Variants in CLCN3 observed in about 807,000 individuals in gnomAD.
CLCN3 encodes H(+)/Cl(-) exchange transporter 3.
CLCN3 carries 16 observed loss-of-function variants against 83.4 expected under a neutral mutation model. That is an observed-to-expected ratio of 0.19 (90% CI 0.13 to 0.29). The LOEUF is 0.29. Among genes scored for constraint, CLCN3 ranks in the 10% least tolerant of loss-of-function variants. CLCN3 has a pLI of 1.00. For synonymous variants in CLCN3, 322 were observed against 346.2 expected, an observed-to-expected ratio of 0.93 and a Z score of 0.78; for missense variants, 544 against 1,006.0, an observed-to-expected ratio of 0.54 and a Z score of 6.21.
At chr4:169,716,558 A>G (rs951420589) in intron 12 of CLCN3, among the ~76,000 whole-genome samples, 6 of 152,224 alleles carry the variant, frequency 3.9e-5, no homozygotes, top group African/African-American at 1.4e-4. Context: ...AAGAACATCT[A>G]TTGAATGAGT....
chr4:169,675,283 A>C (rs1368214606), intron 2 of CLCN3, among the ~76,000 whole-genome samples: 1 of 152,102 alleles, frequency 6.6e-6, no homozygotes, highest in East Asian at 1.9e-4. Context: ...CCCTTATCCC[A>C]CCCCAAGTTG....
intron 7 of CLCN3, among the ~76,000 whole-genome samples, chr4:169,694,481 T>C (rs187511444): frequency 2.6e-5 from 4 of 152,324 alleles, no homozygotes; most frequent in Non-Finnish European, 5.9e-5. Context: ...AATGTAACAA[T>C]TGACCATTTG....
intron 2 of CLCN3, among the ~76,000 whole-genome samples, chr4:169,672,306 A>T (rs1731498867): frequency 6.6e-6 from 1 of 151,826 alleles, no homozygotes; most frequent in Non-Finnish European, 1.5e-5. Flanking sequence ...CACCCAGATA[A>T]TTTTTGTATT....
At chr4:169,650,743 C>G (rs2150212156) in intron 2 of CLCN3, among the ~76,000 whole-genome samples, 1 of 152,272 alleles carries the variant, frequency 6.6e-6, no homozygotes, top group Admixed American at 6.5e-5. Flanking sequence ...GGGTCATGTT[C>G]TTAATACATT....
In CLCN3 at chr4:169,669,843, A is replaced by G. The variant is rs141692543; in HGVS notation, c.161-10207A>G. On this transcript the variant is annotated intron_variant, in intron 2 of 12. Transcript: ENST00000513761. Reference sequence around the variant, plus strand: ...AAAGCTTTTTGAAACCCAGAAACCCATCTTTTGAATTCAAAAGTTTTGACT... The same window carrying G: ...AAAGCTTTTTGAAACCCAGAAACCCGTCTTTTGAATTCAAAAGTTTTGACT... Among the ~76,000 whole-genome samples, 22 of 152,260 alleles carry G rather than the reference A, an allele frequency of 1.4e-4. No homozygotes were observed. In the East Asian group the frequency reaches 4.1e-3, roughly 28 times the overall value.
chr4:169,678,024 G>A (rs1731748328), intron 2 of CLCN3, among the ~76,000 whole-genome samples: 1 of 152,180 alleles, frequency 6.6e-6, no homozygotes, highest in Non-Finnish European at 1.5e-5. Flanking sequence ...CTGATGACAA[G>A]GCTGATTGAG....
intron 1 of CLCN3, among the ~76,000 whole-genome samples, chr4:169,633,703 A>G (rs1003293935): frequency 6.6e-6 from 1 of 152,236 alleles, no homozygotes; most frequent in Admixed American, 6.5e-5. Context: ...AAGTGGTGAG[A>G]TTCATTTCAA....
chr4:169,723,504 A>C lies in CLCN3; in HGVS notation c.*3507A>C, dbSNP rs749712738. On this transcript the variant is annotated 3_prime_UTR_variant, in exon 13 of 13. Transcript: ENST00000513761. ...GTGATTTTTTTTTTTTTCGCAAGAAAAATTACGCTATTTGCATGAAAAGAG... is the reference window on the plus strand; with the variant it reads ...GTGATTTTTTTTTTTTTCGCAAGAACAATTACGCTATTTGCATGAAAAGAG... The C allele has an allele frequency of 1.3e-5, 2 of 152,166 alleles. No individual in the cohort carries two copies. The highest frequency in any genetic ancestry group is 2.9e-5 in the Non-Finnish European group (2 of 68,026). The allele number at this position is 152,166 out of a possible 1,614,324, so 9.4% of individuals were successfully genotyped here. A position where few individuals can be genotyped will look rare whatever the true frequency, so the allele number is the denominator to read the frequency against.
chr4:169,676,228 T>C (rs1316979729), intron 2 of CLCN3, among the ~76,000 whole-genome samples: 2 of 152,242 alleles, frequency 1.3e-5, no homozygotes, highest in Non-Finnish European at 2.9e-5. Context: ...ATCAACCTTA[T>C]TCTTTTTAAC....
At chr4:169,670,464 C>T (rs58625450) in intron 2 of CLCN3, among the ~76,000 whole-genome samples, 11,092 of 152,062 alleles carry the variant, frequency 0.073, 1,305 homozygotes, top group African/African-American at 0.25. Context: ...TGTTCTGTTC[C>T]GTTGGTCTGT....
At chr4:169,680,328 A>C in intron 3 of CLCN3, 121 bp downstream of exon 3, 1 of 685,628 alleles carries the variant, frequency 1.5e-6, no homozygotes, top group South Asian at 2.3e-5. Flanking sequence ...AAATGTCTAC[A>C]TTTCATATGT....
At chr4:169,622,988 T>A (rs561176202) in intron 1 of CLCN3, among the ~76,000 whole-genome samples, 10 of 150,736 alleles carry the variant, frequency 6.6e-5, no homozygotes, top group African/African-American at 2.4e-4. Context: ...ACATAAACAT[T>A]GTAGCTGTGA....
At chr4:169,717,893 A>C in intron 12 of CLCN3, 1 of 1,486,018 alleles carries the variant, frequency 6.7e-7, no homozygotes, top group South Asian at 1.1e-5. Context: ...AGATCTCCTC[A>C]TTAGACACCT....
At chr4:169,627,143 A>T (rs1382613568) in intron 1 of CLCN3, among the ~76,000 whole-genome samples, 1 of 151,916 alleles carries the variant, frequency 6.6e-6, no homozygotes, top group Non-Finnish European at 1.5e-5. Context: ...GTGACACATG[A>T]ACCCCTCCCC....
intron 2 of CLCN3, among the ~76,000 whole-genome samples, chr4:169,674,863 A>C (rs1731616136): frequency 6.6e-6 from 1 of 151,560 alleles, no homozygotes; most frequent in Non-Finnish European, 1.5e-5. Context: ...CAGTCCTTCC[A>C]CTTCAGCCTC....
chr4:169,667,584 A>G (rs1397248255), intron 2 of CLCN3, among the ~76,000 whole-genome samples: 1 of 152,110 alleles, frequency 6.6e-6, no homozygotes, highest in East Asian at 1.9e-4. Context: ...GAGGTATTTC[A>G]GTATTGGTAA....
intron 2 of CLCN3, among the ~76,000 whole-genome samples, chr4:169,650,528 G>C (rs1294723034): frequency 6.6e-6 from 1 of 152,166 alleles, no homozygotes; most frequent in East Asian, 1.9e-4. Context: ...TCTTAAGCCA[G>C]TTTAGAAAGT....
chr4:169,678,109 A>G (rs566547852), intron 2 of CLCN3, among the ~76,000 whole-genome samples: 1 of 152,366 alleles, frequency 6.6e-6, no homozygotes, highest in South Asian at 2.1e-4. Flanking sequence ...ACAAAACCAC[A>G]ACTCTAAGGG....
chr4:169,666,776 G>A (rs1006549164), intron 2 of CLCN3, among the ~76,000 whole-genome samples: 4 of 152,206 alleles, frequency 2.6e-5, no homozygotes, highest in East Asian at 1.9e-4. Flanking sequence ...CTACTTGCTA[G>A]CGGTGTGACC....
Sources: allele counts gnomAD v4.1 joint callset (sites outside exome capture counted in the v4.1 genomes callset), GRCh38; gene constraint gnomAD v4.1.1; transcripts MANE v1.5; gene names NCBI Gene and HGNC (gene_info 2026-07-23, HGNC 2026-07-21).